Variants in CASS4 observed in about 807,000 individuals in gnomAD.
CASS4 encodes the protein Cas scaffold protein family member 4.
Under a neutral mutation model 54.2 loss-of-function variants are expected in CASS4, and 22 were observed. The observed-to-expected ratio is 0.41, with a 90% CI of 0.29 to 0.58. The LOEUF (loss-of-function observed/expected upper bound fraction) is 0.58. CASS4 is among the 20% of genes least tolerant of loss of function. The pLI is 0.36. For missense variants in CASS4, 854 were observed against 986.7 expected (o/e 0.87, Z 1.80); for synonymous variants, 409 against 391.5 (o/e 1.04, Z -0.53).
intron 5 of CASS4, among the ~76,000 whole-genome samples, chr20:56,455,208 T>C (rs978102014): frequency 6.6e-6 from 1 of 152,168 alleles, no homozygotes; most frequent in African/African-American, 2.4e-5. Flanking sequence ...TCAATGACAG[T>C]AGTTTTCCAT....
At chr20:56,448,117 G>A (rs1457336852) in intron 3 of CASS4, among the ~76,000 whole-genome samples, 2 of 147,124 alleles carry the variant, frequency 1.4e-5, no homozygotes, top group Non-Finnish European at 3.0e-5. Context: ...ACTCCAGCCT[G>A]GGAGACAGAG....
rs138064885 is a variant in CASS4, at chr20:56,455,886, G to A, written c.1954-2454G>A. Among the ~76,000 whole-genome samples the A allele has an allele frequency of 2.6e-3, 398 of 152,092 alleles. 4 individuals are homozygous for A. The highest frequency in any genetic ancestry group is 9.0e-3 in the African/African-American group (372 of 41,474). On this transcript the variant is annotated intron_variant, in intron 5 of 5. Transcript: ENST00000679887. Reference sequence around the variant, plus strand: ...GCAGAGGTTGCGGTGAGCTGAGATCGCACCACTGCACTCCAGCCTGGGCAA... The same window carrying A: ...GCAGAGGTTGCGGTGAGCTGAGATCACACCACTGCACTCCAGCCTGGGCAA...
Position 56,452,818 on chromosome 20 carries a change from GTGAC to G in CASS4, c.1647_1650del (p.Asp550ValfsTer50). On this transcript the variant is annotated frameshift_variant, in exon 5 of 6. Coordinates refer to ENST00000679887, the MANE Select transcript of CASS4 (RefSeq NM_020356.4). LOFTEE classifies it high-confidence loss of function. ...TCGCAATTGGCCTCTGGAAGTTCTT[GTGAC>G]TGACAGTGTCCAGAACAGCCCAGAT... The G allele has an allele frequency of 6.2e-7, 1 of 1,614,068 alleles. No homozygotes were observed. Among genetic ancestry groups the G allele is most frequent in the Non-Finnish European group, 8.5e-7 (1 of 1,180,024 alleles).
chr20:56,454,196 A>G (rs949259036), intron 5 of CASS4, among the ~76,000 whole-genome samples: 1 of 152,044 alleles, frequency 6.6e-6, no homozygotes, highest in Non-Finnish European at 1.5e-5. Context: ...CAACAACAAC[A>G]AAAAAACAAA....
intron 1 of CASS4, among the ~76,000 whole-genome samples, chr20:56,434,200 C>T (rs1980047266): frequency 6.6e-6 from 1 of 152,112 alleles, no homozygotes; most frequent in Non-Finnish European, 1.5e-5. Context: ...TGATGGTTTC[C>T]ACCCACCGAC....
intron 5 of CASS4, 93 bp from the exon 6 acceptor site, chr20:56,458,247 A>C (rs1031503276): frequency 6.3e-6 from 8 of 1,274,312 alleles, no homozygotes; most frequent in Non-Finnish European, 8.7e-6. Flanking sequence ...AAAAAAATAA[A>C]AAGTCTTGCA....
At chr20:56,425,092 G>A (rs1217140503) in intron 1 of CASS4, among the ~76,000 whole-genome samples, 3 of 152,182 alleles carry the variant, frequency 2.0e-5, no homozygotes, top group Non-Finnish European at 2.9e-5. Flanking sequence ...GTCCCATCAT[G>A]GGAGGCCCTC....
Position 56,446,001 on chromosome 20 carries a change from G to A in CASS4, c.561G>A (p.Lys187=). ...AGCACCGGGGCCCCGTGGTCCTGAA[G>A]GTGAGCCTTGTTCAGGGGCCCCTCA... The part of the protein sequence containing the change: ...PTQHRGPVVL[K]EPEKQQLYDI... The change falls in exon 3 of 6, where the codon AAG becomes AAA. Residue 187 remains lysine (K), a splice_region_variant and synonymous_variant. Coordinates refer to ENST00000679887, the MANE Select transcript of CASS4 (RefSeq NM_020356.4). The A allele has an allele frequency of 6.2e-7, 1 of 1,609,674 alleles. No homozygotes were observed.
chr20:56,435,344 G>T (rs117972517), intron 1 of CASS4, among the ~76,000 whole-genome samples: 1,547 of 152,324 alleles, frequency 0.01, 6 homozygotes, highest in Non-Finnish European at 0.017. Flanking sequence ...AGTTTAAAAG[G>T]TGTAATTAAA....
At chr20:56,442,625 T>C (rs551816176) in intron 2 of CASS4, among the ~76,000 whole-genome samples, 30 of 150,902 alleles carry the variant, frequency 2.0e-4, no homozygotes, top group Middle Eastern at 3.4e-3. Flanking sequence ...TTGTTTTACT[T>C]TTTATCCCAA....
chr20:56,450,545 G>A (rs1430608894), intron 3 of CASS4, 54 bp from the exon 4 acceptor site: 1 of 1,509,494 alleles, frequency 6.6e-7, no homozygotes, highest in South Asian at 1.1e-5. Context: ...TTCGTGATGT[G>A]TAGCCATTAG....
Position 56,412,629 on chromosome 20 carries a change from T to A in CASS4, c.36+135T>A, listed in dbSNP as rs751791193. 6.7e-6 allele frequency: 6 copies of A among 896,156 alleles called. No homozygotes were observed. The Admixed American group carries it at 1.0e-4, about 15-fold the overall frequency. The allele number at this position is 896,156 out of a possible 1,614,324, so 55.5% of individuals were successfully genotyped here. ...GACGTGTGAGTTGGAGATGGGAAAG[T>A]TTAACATAAGTTTAAGTGTGGGAAA... On this transcript the variant is annotated intron_variant, in intron 1 of 5. Transcript: ENST00000679887. The surrounding 1 kb of genome is among the most constrained non-coding windows in gnomAD (Gnocchi z 4.2).
Position 56,452,616 on chromosome 20 carries a change from C to G in CASS4, c.1440C>G (p.His480Gln). Residue 480 changes from histidine to glutamine, a missense_variant, in exon 5 of 6, where the codon CAC (histidine) becomes CAG (glutamine). His to Gln is a conservative substitution (Grantham distance 24). Coordinates refer to ENST00000679887, the MANE Select transcript of CASS4 (RefSeq NM_020356.4). ...DYLEANIDAI[H>Q]RSTDHIEESV... is the part of the protein sequence containing the mutation. ...TGGAGGCCAACATTGATGCAATCCA[C>G]AGGTCCACTGATCACATAGAAGAAT... 6.2e-7 allele frequency: 1 copy of G among 1,614,200 alleles called. No homozygotes were observed. The highest frequency in any genetic ancestry group is 8.5e-7 in the Non-Finnish European group (1 of 1,180,024).
intron 1 of CASS4, among the ~76,000 whole-genome samples, chr20:56,424,495 C>T (rs1047991000): frequency 3.3e-5 from 5 of 152,076 alleles, no homozygotes; most frequent in African/African-American, 1.2e-4. Flanking sequence ...AATCCTAGCA[C>T]TTTGGGAGGT....
rs182522388 is a variant in CASS4 at position 56,450,464 on chromosome 20, T to C, written c.562-135T>C. ...CCAGATTTCTACCATTACAGCATCA[T>C]GACCAAAAGCACCGAAAAGTCTTCA... On this transcript the variant is annotated intron_variant, in intron 3 of 5. Coordinates refer to ENST00000679887, the MANE Select transcript of CASS4 (RefSeq NM_020356.4). 954 of 779,926 alleles carry C rather than the reference T, an allele frequency of 1.2e-3. 6 individuals are homozygous for C. The African/African-American group carries it at 0.014, about 12-fold the overall frequency. The allele number at this position is 779,926 out of a possible 1,614,324, so 48.3% of individuals were successfully genotyped here.
At chr20:56,416,265 G>A (rs1979132070) in intron 1 of CASS4, among the ~76,000 whole-genome samples, 1 of 152,136 alleles carries the variant, frequency 6.6e-6, no homozygotes, top group Non-Finnish European at 1.5e-5. Flanking sequence ...GGCCAGGCTG[G>A]TCTCGAACTC....
intron 5 of CASS4, among the ~76,000 whole-genome samples, chr20:56,454,802 T>C (rs927446657): frequency 2.0e-5 from 3 of 152,254 alleles, no homozygotes; most frequent in Admixed American, 2.0e-4. Context: ...ATTCGTCTCA[T>C]CATGCTACGG....
chr20:56,452,978 C>A lies in CASS4; in HGVS notation c.1802C>A (p.Thr601Asn). 6.2e-7 allele frequency: 1 copy of A among 1,614,002 alleles called. No homozygotes were observed. Among genetic ancestry groups the A allele is most frequent in the Non-Finnish European group, 8.5e-7 (1 of 1,180,002 alleles). Residue 601 changes from threonine (T) to asparagine (N), a missense_variant, in exon 5 of 6, where the codon ACC becomes AAC. Coordinates refer to ENST00000679887, the MANE Select transcript of CASS4 (RefSeq NM_020356.4). ...NCEKEETVQL[T>N]PNAEFKCEKY... ...GAAAAGGAAGAGACTGTGCAGTTGA[C>A]CCCAAATGCAGAATTTAAGTGTGAA...
chr20:56,429,970 T>G (rs1979827717), intron 1 of CASS4, among the ~76,000 whole-genome samples: 2 of 152,238 alleles, frequency 1.3e-5, no homozygotes. Flanking sequence ...ATTTCTGTGA[T>G]GATTTGATTA....
Sources: allele counts gnomAD v4.1 joint callset (sites outside exome capture counted in the v4.1 genomes callset), GRCh38; gene constraint gnomAD v4.1.1; non-coding constraint Gnocchi (gnomAD v3.1); transcripts MANE v1.5; gene names NCBI Gene and HGNC (gene_info 2026-07-23, HGNC 2026-07-21).